The following SLC12A7 variants were observed in gnomAD, a reference collection of about 807,000 sequenced individuals.
SLC12A7 encodes K-Cl cotransporter 4.
Under a neutral mutation model 120.6 loss-of-function variants are expected in SLC12A7, and 100 were observed. That is an observed-to-expected ratio of 0.83 (90% CI 0.71 to 0.98). The LOEUF is 0.98. Ranked by LOEUF, SLC12A7 falls within the 50% of genes least tolerant of loss-of-function variation. The pLI is 0.00. For synonymous variants in SLC12A7, 760 were observed against 678.0 expected, an observed-to-expected ratio of 1.12 and a Z score of -1.88; for missense variants, 1,373 against 1,548.1, an observed-to-expected ratio of 0.89 and a Z score of 1.90.
the SLC12A7 span, among the ~76,000 whole-genome samples, chr5:1,143,450 C>T: frequency 6.6e-6 from 1 of 152,222 alleles, no homozygotes; most frequent in African/African-American, 2.4e-5. Context: ...TCTGCACACA[C>T]GCATCCCTGG....
At chr5:1,093,697 C>A in intron 2 of SLC12A7, 42 bp from the exon 3 acceptor site, 5 of 1,605,698 alleles carry the variant, frequency 3.1e-6, no homozygotes, top group Non-Finnish European at 4.3e-6. Flanking sequence ...CGCACCTCGC[C>A]GTGGGCCCCC....
At chr5:1,065,097 CAG>C (rs374233866) in intron 18 of SLC12A7, among the ~76,000 whole-genome samples, 184 bp downstream of exon 18, 129 of 56,010 alleles carry the variant, frequency 2.3e-3, no homozygotes, top group Middle Eastern at 0.018. Flanking sequence ...AGGAGACACA[CAG>C]GGGACAGTGA....
In SLC12A7 at chr5:1,075,391, G is replaced by A. The variant is rs1476075947; in HGVS notation, c.1947C>T (p.Tyr649=). The A allele has an allele frequency of 6.2e-7, 1 of 1,612,196 alleles. No individual in the cohort carries two copies. The highest frequency in any genetic ancestry group is 8.5e-7 in the Non-Finnish European group (1 of 1,179,420). Residue 649 remains tyrosine (Y), a synonymous_variant, in exon 15 of 24, where the codon TAC becomes TAT. Coordinates refer to ENST00000264930, the MANE Select transcript of SLC12A7 (RefSeq NM_006598.3). ...LSAMLIAGCI[Y]KYIEYRGAEK... is the part of the protein sequence containing the mutation. ...CTTACCCGCGGTACTCGATGTACTT[G>A]TAGATGCAGCCAGCGATGAGCATGG...
chr5:1,074,525 C>A, intron 16 of SLC12A7, 42 bp downstream of exon 16: 1 of 1,561,826 alleles, frequency 6.4e-7, no homozygotes, highest in South Asian at 1.1e-5. Context: ...AGAAACAGCT[C>A]TTCTGTGCGT....
chr5:1,116,800 G>A (rs930962304), upstream of SLC12A7, among the ~76,000 whole-genome samples: 3 of 146,764 alleles, frequency 2.0e-5, no homozygotes, highest in Non-Finnish European at 3.0e-5. Context: ...CCCACCCCCC[G>A]CCAGCTCTCG....
chr5:1,080,407 AC>A (rs1489536480), intron 9 of SLC12A7, among the ~76,000 whole-genome samples: 1 of 152,086 alleles, frequency 6.6e-6, no homozygotes, highest in Non-Finnish European at 1.5e-5. Flanking sequence ...CCGGCAGATC[AC>A]CCCCTCCATA....
intron 5 of SLC12A7, among the ~76,000 whole-genome samples, chr5:1,087,782 G>A (rs553970296): frequency 9.9e-5 from 15 of 152,176 alleles, no homozygotes; most frequent in Non-Finnish European, 1.5e-4. Context: ...TAGTTATTTC[G>A]TATCGTAATT....
At chr5:1,092,738 G>GT (rs1048027781) in intron 3 of SLC12A7, among the ~76,000 whole-genome samples, 15 of 151,338 alleles carry the variant, frequency 9.9e-5, no homozygotes, top group African/African-American at 2.9e-4. Context: ...ATTTTTTTTT[G>GT]TTTTTTGTAT....
intron 1 of SLC12A7, among the ~76,000 whole-genome samples, chr5:1,098,165 C>G (rs1431685424): frequency 7.3e-6 from 1 of 136,434 alleles, no homozygotes; most frequent in Non-Finnish European, 1.6e-5. Flanking sequence ...AAGCCCAGCC[C>G]CCCTCTAACC....
the SLC12A7 span, among the ~76,000 whole-genome samples, chr5:1,120,471 C>A: frequency 1.6e-4 from 24 of 152,366 alleles, no homozygotes; most frequent in Non-Finnish European, 2.8e-4. Flanking sequence ...GCCGGGGACA[C>A]CACGGTGTGC....
At chr5:1,129,201 C>T in the SLC12A7 span, among the ~76,000 whole-genome samples, 1 of 152,236 alleles carries the variant, frequency 6.6e-6, no homozygotes, top group African/African-American at 2.4e-5. Flanking sequence ...TCCAAGAGGC[C>T]TCCCTCAGCC....
intron 1 of SLC12A7, among the ~76,000 whole-genome samples, chr5:1,110,175 G>C (rs1742889006): frequency 6.6e-6 from 1 of 152,274 alleles, no homozygotes; most frequent in African/African-American, 2.4e-5. Context: ...TTCTGTGGAA[G>C]TAGGAAGCGG....
chr5:1,068,599 G>A (rs1011628411), intron 17 of SLC12A7, among the ~76,000 whole-genome samples: 5 of 152,190 alleles, frequency 3.3e-5, no homozygotes, highest in African/African-American at 7.2e-5. Context: ...TCCAGCCCTC[G>A]CAACCAATGC....
chr5:1,087,856 T>C (rs1740058060), intron 5 of SLC12A7, among the ~76,000 whole-genome samples: 1 of 152,252 alleles, frequency 6.6e-6, no homozygotes, highest in South Asian at 2.1e-4. Context: ...AATTAACTTA[T>C]TACTAATTAA....
At chr5:1,099,614 C>T (rs1279247165) in intron 1 of SLC12A7, among the ~76,000 whole-genome samples, 1 of 152,182 alleles carries the variant, frequency 6.6e-6, no homozygotes, top group Admixed American at 6.5e-5. Context: ...CTCCCGAAGA[C>T]GAACCCGTTT....
chr5:1,095,050 C>T (rs1319063845), intron 1 of SLC12A7, among the ~76,000 whole-genome samples: 7 of 60,212 alleles, frequency 1.2e-4, no homozygotes, highest in African/African-American at 1.7e-4. Flanking sequence ...CGGTAGGAGG[C>T]GGGGCCGGTA....
chr5:1,064,330 T>G (rs1318486857), intron 18 of SLC12A7, 78 bp from the exon 19 acceptor site: 2 of 1,503,312 alleles, frequency 1.3e-6, no homozygotes, highest in Non-Finnish European at 1.8e-6. Flanking sequence ...TCACAGCCAG[T>G]GCAGGGGCGG....
At chr5:1,098,083 C>G (rs1364890625) in intron 1 of SLC12A7, among the ~76,000 whole-genome samples, 3 of 146,488 alleles carry the variant, frequency 2.0e-5, no homozygotes, top group Non-Finnish European at 4.5e-5. Context: ...CACACCCAGC[C>G]GCCCCCTCCA....
intron 1 of SLC12A7, among the ~76,000 whole-genome samples, chr5:1,106,729 C>G (rs541470051): frequency 3.3e-5 from 5 of 152,332 alleles, no homozygotes; most frequent in Non-Finnish European, 7.3e-5. Context: ...ATCTCGGGAC[C>G]CAAACACACT....
Sources: gnomAD v4.1 joint callset for allele counts (sites outside exome capture counted in the v4.1 genomes callset) on GRCh38, gnomAD v4.1.1 for gene constraint, MANE v1.5 for transcripts, NCBI Gene and HGNC (gene_info 2026-07-23, HGNC 2026-07-21) for gene names.